Variants in MRPS11 observed in about 807,000 individuals in gnomAD.
The protein encoded by MRPS11 is small ribosomal subunit protein uS11m.
A neutral mutation model predicts 24.3 loss-of-function variants in MRPS11; 27 were observed. The observed-to-expected ratio is 1.11, with a 90% confidence interval of 0.82 to 1.53. The LOEUF is 1.53. MRPS11 is among the 40% of genes most tolerant of loss of function. The pLI is 0.00. For missense variants in MRPS11, 277 were observed against 256.5 expected, an observed-to-expected ratio of 1.08 and a Z score of -0.55; for synonymous variants, 104 against 98.7, an observed-to-expected ratio of 1.05 and a Z score of -0.32.
In MRPS11 at chr15:88,478,307, T is replaced by G; in HGVS notation, c.*328T>G. 3.4e-6 allele frequency: 1 copy of G among 290,738 alleles called. No homozygotes were observed. The highest frequency in any genetic ancestry group is 7.6e-5 in the East Asian group (1 of 13,128). The allele number at this position is 290,738 out of a possible 1,614,324, so 18.0% of individuals were successfully genotyped here. A position where few individuals can be genotyped will look rare whatever the true frequency, so the allele number is the denominator to read the frequency against. ...GCTTTCAGAGTTACGTAATTCCTAA[T>G]TCCTCTTGAAAAAGAGAGTGTGAAA... On this transcript the variant is annotated 3_prime_UTR_variant, in exon 6 of 6. Transcript: ENST00000325844. The surrounding 1 kb of genome is among the most constrained non-coding windows in gnomAD (Gnocchi z 4.7).
chr15:88,475,303 A>G lies in MRPS11; in HGVS notation c.411+64A>G, dbSNP rs2142218145. The stretch of plus-strand genomic sequence containing the variant: ...TTGCTTTCTGCATGGCTCATCACTG[A>G]GTGGAGAATCCTCATTATACTACCC... On this transcript the variant is annotated intron_variant, in intron 4 of 5. Transcript: ENST00000325844. This position sits in a 1 kb window ranked among gnomAD's most constrained non-coding sequence, Gnocchi z 4.1. The G allele has an allele frequency of 3.7e-6, 6 of 1,602,964 alleles. No homozygotes were observed. In the South Asian group the frequency reaches 6.7e-5, roughly 18 times the overall value.
chr15:88,471,579 CT>C (rs1250574841), intron 2 of MRPS11, among the ~76,000 whole-genome samples: 1 of 152,202 alleles, frequency 6.6e-6, no homozygotes, highest in Non-Finnish European at 1.5e-5. Flanking sequence ...GACAGATCTA[CT>C]AGGTCCAAGG....
intron 2 of MRPS11, among the ~76,000 whole-genome samples, chr15:88,470,165 A>G (rs2055659404): frequency 6.6e-6 from 1 of 152,160 alleles, no homozygotes; most frequent in South Asian, 2.1e-4. Flanking sequence ...AAATACAAAA[A>G]TTAGCCAGGT....
chr15:88,468,390 C>CAGAT (rs1437643918), intron 2 of MRPS11: 11 of 1,108,438 alleles, frequency 9.9e-6, no homozygotes, highest in African/African-American at 1.6e-5. Flanking sequence ...AGCGATGGAA[C>CAGAT]AGATGTTCCT....
At position 88,467,959 on chromosome 15, in the gene MRPS11, G is replaced by A. The variant is rs982731382; in HGVS notation, c.117G>A (p.Gln39=). The A allele has an allele frequency of 1.4e-5, 23 of 1,612,778 alleles. No homozygotes were observed. Among genetic ancestry groups the A allele is most frequent in the Non-Finnish European group, 1.8e-5 (21 of 1,179,782 alleles). ...PAGTICTGAR[Q]LQDAAAKQKV... ...GGACCATCTGCACAGGCGCTCGACA[G>A]CTCCAAGACGCTGCGGCCAAGCAGA... Residue 39 remains glutamine (Q), a synonymous_variant, in exon 2 of 6, where the codon CAG becomes CAA. Coordinates refer to ENST00000325844, the MANE Select transcript of MRPS11 (RefSeq NM_022839.5).
chr15:88,468,120 C>T, intron 2 of MRPS11, 96 bp downstream of exon 2: 1 of 1,499,146 alleles, frequency 6.7e-7, no homozygotes, highest in Non-Finnish European at 9.0e-7. Flanking sequence ...TCAGCTATGT[C>T]ACTTGCTATC....
rs2055862007 is a variant in MRPS11 at position 88,478,137 on chromosome 15, C to T, written c.*158C>T. On this transcript the variant is annotated 3_prime_UTR_variant, in exon 6 of 6. Transcript: ENST00000325844. The surrounding 1 kb of genome is among the most constrained non-coding windows in gnomAD (Gnocchi z 4.7). Reference sequence around the variant, plus strand: ...CCTTACACAGTGGCCTTTGCTTGCACCTCCAGCTGGAGATGGGTGTGCCCC... The same window carrying T: ...CCTTACACAGTGGCCTTTGCTTGCATCTCCAGCTGGAGATGGGTGTGCCCC... 4.8e-6 allele frequency: 3 copies of T among 622,394 alleles called. No individual in the cohort carries two copies. Among genetic ancestry groups the T allele is most frequent in the Middle Eastern group, 8.1e-4 (2 of 2,456 alleles). 38.6% of individuals were successfully genotyped at this position (622,394 alleles called of 1,614,324 possible). A position where few individuals can be genotyped will look rare whatever the true frequency, so the allele number is the denominator to read the frequency against.
intron 2 of MRPS11, 176 bp downstream of exon 2, chr15:88,468,200 G>A: frequency 1.4e-6 from 2 of 1,438,974 alleles, no homozygotes; most frequent in Non-Finnish European, 1.8e-6. Context: ...TGCTGAGAGA[G>A]GTTGTGAGAA....
intron 2 of MRPS11, among the ~76,000 whole-genome samples, chr15:88,470,283 C>T (rs958857581): frequency 1.3e-5 from 2 of 152,036 alleles, no homozygotes; most frequent in Admixed American, 1.3e-4. Context: ...CCACTGCAGT[C>T]CAGCCTGGAC....
chr15:88,468,185 G>A (rs549965519), intron 2 of MRPS11, 161 bp downstream of exon 2: 1 of 1,447,904 alleles, frequency 6.9e-7, no homozygotes, highest in African/African-American at 1.4e-5. Context: ...TAAAAATGCG[G>A]ATAATGCTGA....
At chr15:88,471,697 T>C (rs375169946) in intron 2 of MRPS11, among the ~76,000 whole-genome samples, 1 of 152,234 alleles carries the variant, frequency 6.6e-6, no homozygotes, top group East Asian at 1.9e-4. Flanking sequence ...TTCTTAATTG[T>C]ATTAATAAGT....
Position 88,475,386 on chromosome 15 carries a change from G to A in MRPS11, c.411+147G>A. 8.2e-7 allele frequency: 1 copy of A among 1,214,274 alleles called. No homozygotes were observed. 75.2% of individuals were successfully genotyped at this position (1,214,274 alleles called of 1,614,324 possible). On this transcript the variant is annotated intron_variant, in intron 4 of 5. Transcript: ENST00000325844. This position sits in a 1 kb window ranked among gnomAD's most constrained non-coding sequence, Gnocchi z 4.1. ...GATGCCCTGATTGGAGCATTGGTTT[G>A]AAAAGGTTTAGTGAAAGGCTCCTCT... is the stretch of plus-strand genomic sequence containing the variant.
At chr15:88,474,732 A>G (rs896880923) in intron 3 of MRPS11, among the ~76,000 whole-genome samples, 1 of 152,210 alleles carries the variant, frequency 6.6e-6, no homozygotes, top group Non-Finnish European at 1.5e-5. Context: ...ATGAAACTGA[A>G]TTGGATATGA....
At chr15:88,472,896 A>G (rs2055745428) in intron 3 of MRPS11, among the ~76,000 whole-genome samples, 171 bp downstream of exon 3, 1 of 152,196 alleles carries the variant, frequency 6.6e-6, no homozygotes. Context: ...ACCACCTGCC[A>G]TCTTACACAA....
In MRPS11 at chr15:88,475,890, G is replaced by A. The variant is rs2055811801; in HGVS notation, c.411+651G>A. 6.6e-6 allele frequency among the ~76,000 whole-genome samples: 1 copy of A among 152,160 alleles called. No homozygotes were observed. Among genetic ancestry groups the A allele is most frequent in the African/African-American group, 2.4e-5 (1 of 41,412 alleles). Reference sequence around the variant, plus strand: ...GAGAATCACTTGAACCCAGGAGGTGGAGGTTGCAGTGACTCGAGATCACAC... The same window carrying A: ...GAGAATCACTTGAACCCAGGAGGTGAAGGTTGCAGTGACTCGAGATCACAC... On this transcript the variant is annotated intron_variant, in intron 4 of 5. Transcript: ENST00000325844. This position sits in a 1 kb window ranked among gnomAD's most constrained non-coding sequence, Gnocchi z 4.1.
In MRPS11 at chr15:88,468,022, C is replaced by T. The variant is rs147859273; in HGVS notation, c.180C>T (p.Phe60=). The stretch of plus-strand genomic sequence containing the variant: ...ACGCGGCTCCCAGCCACACCAAGTT[C>T]AGGTGAGCCCCACTTGGACCAGCCC... The part of the protein sequence containing the change: ...EQNAAPSHTK[F]SIYPPIPGEE... The change falls in exon 2 of 6, where the codon TTC becomes TTT. Residue 60 remains phenylalanine, a splice_region_variant and synonymous_variant. Transcript: ENST00000325844. 57 of 1,600,972 alleles carry T rather than the reference C, an allele frequency of 3.6e-5. No homozygotes were observed. In the African/African-American group the frequency reaches 7.6e-4, roughly 21 times the overall value.
intron 2 of MRPS11, among the ~76,000 whole-genome samples, chr15:88,470,306 C>T (rs1322239360): frequency 6.6e-6 from 1 of 151,856 alleles, no homozygotes; most frequent in Non-Finnish European, 1.5e-5. Flanking sequence ...GACTCCATCT[C>T]AAAAAAACAA....
chr15:88,478,048 C>A lies in MRPS11; in HGVS notation c.*69C>A. The A allele has an allele frequency of 8.1e-7, 1 of 1,233,968 alleles. No homozygotes were observed. The highest frequency in any genetic ancestry group is 1.2e-5 in the South Asian group (1 of 82,724). 76.4% of individuals were successfully genotyped at this position (1,233,968 alleles called of 1,614,324 possible). On this transcript the variant is annotated 3_prime_UTR_variant, in exon 6 of 6. Coordinates refer to ENST00000325844, the MANE Select transcript of MRPS11 (RefSeq NM_022839.5). This position sits in a 1 kb window ranked among gnomAD's most constrained non-coding sequence, Gnocchi z 4.7. ...CCAGTGGGACCTTGTAAAATGCTCC[C>A]TGTCAGAGCTCTCCAGAATATGCTT...
At chr15:88,468,375 G>A in intron 2 of MRPS11, 1 of 1,120,004 alleles carries the variant, frequency 8.9e-7, no homozygotes, top group Non-Finnish European at 1.1e-6. Context: ...GAGGTAGAGG[G>A]CGCTAGCGAT....
Sources: allele counts gnomAD v4.1 joint callset (sites outside exome capture counted in the v4.1 genomes callset), GRCh38; gene constraint gnomAD v4.1.1; non-coding constraint Gnocchi (gnomAD v3.1); transcripts MANE v1.5; gene names NCBI Gene and HGNC (gene_info 2026-07-23, HGNC 2026-07-21).